The following SUCLG2 variants were observed in gnomAD, a reference collection of about 807,000 sequenced individuals.
SUCLG2 encodes the protein succinate-CoA ligase GDP-forming subunit beta.
Under a neutral mutation model 47.9 loss-of-function variants are expected in SUCLG2, and 42 were observed. That is an observed-to-expected ratio of 0.88 (90% CI 0.69 to 1.14). SUCLG2 has a LOEUF of 1.14. Among genes scored for constraint, SUCLG2 ranks in the 50% most tolerant of loss-of-function variants. The pLI, the probability that SUCLG2 is intolerant of heterozygous loss-of-function variation, is 0.00. For missense variants in SUCLG2, 571 were observed against 525.9 expected (o/e 1.09, Z -0.84); for synonymous variants, 195 against 197.3 (o/e 0.99, Z 0.10).
At chr3:67,468,404 A>T (rs1704526138) in intron 9 of SUCLG2, among the ~76,000 whole-genome samples, 1 of 152,170 alleles carries the variant, frequency 6.6e-6, no homozygotes, top group Non-Finnish European at 1.5e-5. Flanking sequence ...TAATCCATCC[A>T]GCTCCTTGAA....
intron 5 of SUCLG2, among the ~76,000 whole-genome samples, chr3:67,519,596 T>C (rs547436975): frequency 2.6e-5 from 4 of 152,304 alleles, no homozygotes; most frequent in Middle Eastern, 3.4e-3. Flanking sequence ...TGGGTGTTTA[T>C]TGTACATTAT....
chr3:67,520,409 C>A (rs1437124199), intron 5 of SUCLG2, 73 bp downstream of exon 5: 2 of 1,598,718 alleles, frequency 1.3e-6, no homozygotes, highest in African/African-American at 2.7e-5. Flanking sequence ...TGGCCTTAGA[C>A]TCCCCATTAA....
intron 2 of SUCLG2, among the ~76,000 whole-genome samples, chr3:67,536,669 C>G (rs1022453411): frequency 6.6e-6 from 1 of 152,230 alleles, no homozygotes; most frequent in African/African-American, 2.4e-5. Context: ...ATTCTCCAGA[C>G]AGCCAATGCA....
intron 10 of SUCLG2, among the ~76,000 whole-genome samples, chr3:67,365,537 C>G (rs1701862626): frequency 6.6e-6 from 1 of 152,168 alleles, no homozygotes; most frequent in Non-Finnish European, 1.5e-5. Flanking sequence ...GTTTAAGACA[C>G]TCCATTGTTC....
chr3:67,573,726 G>C (rs1262104577), intron 2 of SUCLG2, among the ~76,000 whole-genome samples: 1 of 152,112 alleles, frequency 6.6e-6, no homozygotes, highest in African/African-American at 2.4e-5. Context: ...CAAACGGCCT[G>C]GTGGGAAGCG....
At chr3:67,584,064 G>T (rs569453298) in intron 2 of SUCLG2, among the ~76,000 whole-genome samples, 10 of 152,308 alleles carry the variant, frequency 6.6e-5, no homozygotes, top group African/African-American at 2.2e-4. Flanking sequence ...GCACCCAAGA[G>T]AAATAAAAAT....
At chr3:67,611,017 C>T (rs1458420992) in intron 1 of SUCLG2, among the ~76,000 whole-genome samples, 1 of 152,184 alleles carries the variant, frequency 6.6e-6, no homozygotes, top group Non-Finnish European at 1.5e-5. Context: ...AAAAATGCCA[C>T]TTGGATGGCC....
rs568112368 is a variant in SUCLG2, at chr3:67,474,831, A to G, written c.1062+20967T>C. Among the ~76,000 whole-genome samples, 5 of 152,286 alleles carry G rather than the reference A, an allele frequency of 3.3e-5. 1 individual carries two copies. The East Asian group carries it at 9.6e-4, about 29-fold the overall frequency. ...TTTCTCTTAGGGAAGCCCTATTCCC[A>G]GCTTTCCACAGGCGTATGGGTTGTG... On this transcript the variant is annotated intron_variant, in intron 9 of 10. Coordinates refer to ENST00000307227, the MANE Select transcript of SUCLG2 (RefSeq NM_003848.4).
In SUCLG2 at chr3:67,609,552, G is replaced by A; in HGVS notation, c.129C>T (p.Tyr43=). The change falls in exon 2 of 11, where the codon TAC becomes TAT. Residue 43 remains tyrosine, a synonymous_variant. Transcript: ENST00000307227. The part of the protein sequence containing the change: ...TSRRWLNLQE[Y]QSKKLMSDNG... ...TGTCAGACATCAGTTTCTTGCTCTGGTATTCCTGCAGGTTCAGCCATCTTC... is the reference window on the plus strand; with the variant it reads ...TGTCAGACATCAGTTTCTTGCTCTGATATTCCTGCAGGTTCAGCCATCTTC... 1.2e-6 allele frequency: 2 copies of A among 1,613,806 alleles called. No individual in the cohort carries two copies. Among genetic ancestry groups the A allele is most frequent in the East Asian group, 2.2e-5 (1 of 44,872 alleles).
At chr3:67,453,698 A>G (rs1037826005) in intron 9 of SUCLG2, among the ~76,000 whole-genome samples, 2 of 152,222 alleles carry the variant, frequency 1.3e-5, no homozygotes, top group Non-Finnish European at 2.9e-5. Flanking sequence ...CAATCTTCCA[A>G]TGCAGTTATT....
chr3:67,412,641 C>A (rs4856782), intron 9 of SUCLG2, among the ~76,000 whole-genome samples: 134 of 151,942 alleles, frequency 8.8e-4, no homozygotes, highest in South Asian at 1.0e-3. Context: ...GTTTCCTCCA[C>A]AGAAGGTATC....
chr3:67,609,380 T>A, intron 2 of SUCLG2, 75 bp downstream of exon 2: 1 of 1,517,998 alleles, frequency 6.6e-7, no homozygotes. Context: ...CAAAAAAAAT[T>A]AACTAGTGGG....
At chr3:67,642,928 G>GTGTGTA (rs1466332659) in intron 1 of SUCLG2, among the ~76,000 whole-genome samples, 2 of 151,600 alleles carry the variant, frequency 1.3e-5, no homozygotes, top group African/African-American at 4.9e-5. Flanking sequence ...CTGTGTGTGT[G>GTGTGTA]TGTGTGTGTG....
At position 67,465,700 on chromosome 3, in the gene SUCLG2, C is replaced by G. The variant is rs74964951; in HGVS notation, c.1062+30098G>C. ...CATAGTCTGATGGCCAGGCCAGCCT[C>G]TCCTGGCTGCTTTCTCATTTTCTTT... is the stretch of plus-strand genomic sequence containing the variant. On this transcript the variant is annotated intron_variant, in intron 9 of 10. Coordinates refer to ENST00000307227, the MANE Select transcript of SUCLG2 (RefSeq NM_003848.4). Among the ~76,000 whole-genome samples, 683 of 152,310 alleles carry G rather than the reference C, an allele frequency of 4.5e-3. 11 individuals carry two copies. The East Asian group carries it at 0.059, about 13-fold the overall frequency.
chr3:67,551,907 G>C (rs1214726346), intron 2 of SUCLG2, among the ~76,000 whole-genome samples: 1 of 152,082 alleles, frequency 6.6e-6, no homozygotes, highest in African/African-American at 2.4e-5. Context: ...CAACTCCAGA[G>C]CACAAGATCC....
intron 1 of SUCLG2, among the ~76,000 whole-genome samples, chr3:67,621,092 T>C (rs1700728894): frequency 6.6e-6 from 1 of 152,236 alleles, no homozygotes; most frequent in South Asian, 2.1e-4. Context: ...GTGGACTCTG[T>C]TGCAACTACT....
At chr3:67,419,632 C>A (rs1703109039) in intron 9 of SUCLG2, among the ~76,000 whole-genome samples, 1 of 152,062 alleles carries the variant, frequency 6.6e-6, no homozygotes, top group Non-Finnish European at 1.5e-5. Flanking sequence ...GAAGAGAAAT[C>A]TATGTTGATT....
intron 2 of SUCLG2, among the ~76,000 whole-genome samples, chr3:67,606,440 T>C (rs1700421510): frequency 6.6e-6 from 1 of 152,212 alleles, no homozygotes; most frequent in African/African-American, 2.4e-5. Flanking sequence ...GCAATGCTAG[T>C]GCTTCACTGT....
intron 10 of SUCLG2, among the ~76,000 whole-genome samples, chr3:67,398,705 T>A (rs1478788425): frequency 6.6e-6 from 1 of 152,162 alleles, no homozygotes; most frequent in African/African-American, 2.4e-5. Flanking sequence ...CATGCTGCTA[T>A]AAGGACACAT....
Sources: gnomAD v4.1 joint callset for allele counts (sites outside exome capture counted in the v4.1 genomes callset) on GRCh38, gnomAD v4.1.1 for gene constraint, MANE v1.5 for transcripts, NCBI Gene and HGNC (gene_info 2026-07-23, HGNC 2026-07-21) for gene names.